The following COQ8A variants were observed in gnomAD, a reference collection of about 807,000 sequenced individuals.
COQ8A encodes the protein coenzyme Q8A.
A neutral mutation model predicts 65.0 loss-of-function variants in COQ8A; 51 were observed. The observed-to-expected ratio is 0.78, with a 90% CI of 0.63 to 0.99. The LOEUF (loss-of-function observed/expected upper bound fraction) is 0.99, where lower values mean the gene tolerates loss of function less well. Ranked by LOEUF, COQ8A falls within the 50% of genes least tolerant of loss-of-function variation. COQ8A has a pLI of 0.00. For synonymous variants in COQ8A, 371 were observed against 353.2 expected (o/e 1.05, Z -0.57); for missense variants, 940 against 875.0 (o/e 1.07, Z -0.94).
chr1:226,973,822 T>C (rs1659037023), intron 4 of COQ8A, among the ~76,000 whole-genome samples: 1 of 152,246 alleles, frequency 6.6e-6, no homozygotes, highest in African/African-American at 2.4e-5. Flanking sequence ...GATTGTTGGA[T>C]GCCTCAGTAA....
rs963202860 is a variant in COQ8A at position 226,963,824 on chromosome 1, C to T, written c.178-1176C>T. On this transcript the variant is annotated intron_variant, in intron 2 of 14. Coordinates refer to ENST00000366777, the MANE Select transcript of COQ8A (RefSeq NM_020247.5). Reference sequence around the variant, plus strand: ...TTCGCCATGTTGGCCAGGCTGGTCTCGAACTCCTGACCTCAGGTGATCTGC... The same window carrying T: ...TTCGCCATGTTGGCCAGGCTGGTCTTGAACTCCTGACCTCAGGTGATCTGC... 4.6e-5 allele frequency among the ~76,000 whole-genome samples: 7 copies of T among 152,088 alleles called. No homozygotes were observed. The South Asian group carries it at 8.3e-4, about 18-fold the overall frequency.
chr1:226,985,145 A>C (rs527327291), intron 13 of COQ8A, 109 bp from the exon 14 acceptor site: 15 of 1,139,058 alleles, frequency 1.3e-5, no homozygotes, highest in Non-Finnish European at 1.9e-5. Flanking sequence ...GGCCCTGTGC[A>C]GGGAGAGGAT....
rs1658481738 is a variant in COQ8A, at chr1:226,965,132, C to A, written c.310C>A (p.Pro104Thr). 3.1e-6 allele frequency: 5 copies of A among 1,613,998 alleles called. No individual in the cohort carries two copies. The East Asian group carries it at 1.1e-4, about 36-fold the overall frequency. ...AGCCTCCGCTCCCGACCAGTCAGCGCCCCCATCCCTGGGTCATGCCCACAG... is the reference window on the plus strand; with the variant it reads ...AGCCTCCGCTCCCGACCAGTCAGCGACCCCATCCCTGGGTCATGCCCACAG... The part of the protein sequence containing the change: ...SSASAPDQSA[P>T]PSLGHAHSEG... The change falls in exon 3 of 15, where the codon CCC becomes ACC. Residue 104 changes from proline (P) to threonine (T), a missense_variant. Physicochemically the swap from Pro to Thr is conservative, Grantham distance 38. Transcript: ENST00000366777.
At chr1:226,984,711 G>A in intron 12 of COQ8A, 56 bp downstream of exon 12, 2 of 1,550,880 alleles carry the variant, frequency 1.3e-6, no homozygotes, top group Non-Finnish European at 1.8e-6. Context: ...TCCGAATGGG[G>A]CACGTGAGGC....
intron 1 of COQ8A, among the ~76,000 whole-genome samples, chr1:226,953,004 A>G (rs1241380629): frequency 6.6e-6 from 1 of 152,078 alleles, no homozygotes; most frequent in Non-Finnish European, 1.5e-5. Flanking sequence ...ATTTGTCAGT[A>G]AACACCTTTC....
chr1:226,964,212 C>G (rs1658423280), intron 2 of COQ8A, among the ~76,000 whole-genome samples: 1 of 152,194 alleles, frequency 6.6e-6, no homozygotes, highest in African/African-American at 2.4e-5. Flanking sequence ...CGGTGCTGTT[C>G]TAATTATAGG....
intron 13 of COQ8A, 78 bp downstream of exon 13, chr1:226,985,019 A>G (rs1572085716): frequency 6.4e-7 from 1 of 1,552,010 alleles, no homozygotes; most frequent in East Asian, 2.3e-5. Context: ...CGGGGTAGGG[A>G]GAATGACTGG....
intron 4 of COQ8A, 61 bp downstream of exon 4, chr1:226,965,798 C>CCTGCATGGAGGTG: frequency 1.3e-6 from 2 of 1,561,866 alleles, no homozygotes; most frequent in Admixed American, 3.4e-5. Flanking sequence ...CACGCTGCGG[C>CCTGCATGGAGGTG]CTGCATGGAG....
At chr1:226,968,964 T>C (rs1293085634) in intron 4 of COQ8A, among the ~76,000 whole-genome samples, 1 of 152,238 alleles carries the variant, frequency 6.6e-6, no homozygotes, top group Non-Finnish European at 1.5e-5. Flanking sequence ...AGCTGTCCTT[T>C]GATTACAACT....
At chr1:226,944,912 G>A (rs1656937286) in intron 1 of COQ8A, among the ~76,000 whole-genome samples, 1 of 152,130 alleles carries the variant, frequency 6.6e-6, no homozygotes, top group Admixed American at 6.5e-5. Context: ...TTTCCCAGAG[G>A]TGTGTTTCCT....
intron 4 of COQ8A, among the ~76,000 whole-genome samples, 170 bp downstream of exon 4, chr1:226,965,907 G>C (rs1293279900): frequency 6.6e-6 from 1 of 152,210 alleles, no homozygotes; most frequent in Non-Finnish European, 1.5e-5. Context: ...TTCATGGGAG[G>C]ATGATTCAGT....
chr1:226,944,402 A>C (rs543526818), intron 1 of COQ8A, among the ~76,000 whole-genome samples: 2 of 152,014 alleles, frequency 1.3e-5, no homozygotes, highest in East Asian at 3.9e-4. Context: ...TGTGGGCTTC[A>C]GGGGAGGGCT....
At chr1:226,982,267 G>C (rs1428732570) in intron 6 of COQ8A, 118 bp downstream of exon 6, 24 of 1,427,514 alleles carry the variant, frequency 1.7e-5, no homozygotes, top group Non-Finnish European at 2.1e-5. Context: ...AGCAGGCTGG[G>C]GAGAGATCTT....
At chr1:226,975,790 G>A (rs749216905) in intron 4 of COQ8A, among the ~76,000 whole-genome samples, 17 of 152,228 alleles carry the variant, frequency 1.1e-4, no homozygotes, top group Non-Finnish European at 2.1e-4. Context: ...TGCTGGGGAC[G>A]TGGAGGGTGC....
At chr1:226,984,349 G>A (rs1659936960) in intron 11 of COQ8A, 114 bp downstream of exon 11, 1 of 1,510,596 alleles carries the variant, frequency 6.6e-7, no homozygotes, top group African/African-American at 1.4e-5. Flanking sequence ...CTGGGGGTGA[G>A]GGGCAGTGAA....
intron 14 of COQ8A, among the ~76,000 whole-genome samples, chr1:226,986,177 T>C (rs972955819): frequency 2.6e-5 from 4 of 152,132 alleles, no homozygotes; most frequent in African/African-American, 9.7e-5. Context: ...GAACAGTGTT[T>C]TGTTAAAACT....
intron 8 of COQ8A, chr1:226,983,336 G>C (rs924738972): frequency 1.5e-6 from 1 of 666,688 alleles, no homozygotes; most frequent in Admixed American, 2.3e-5. Context: ...GCCGTGAGCT[G>C]TTCCCAGGGG....
At position 226,949,956 on chromosome 1, in the gene COQ8A, G is replaced by C. The variant is rs938521572; in HGVS notation, c.-10+9557G>C. On this transcript the variant is annotated intron_variant, in intron 1 of 14. Coordinates refer to ENST00000366777, the MANE Select transcript of COQ8A (RefSeq NM_020247.5). This position sits in a 1 kb window ranked among gnomAD's most constrained non-coding sequence, Gnocchi z 4.0. ...TGAACCCAGATCACCTAACCTCAGA[G>C]CATCTTAACCATGTCACCAGTATCA... 1.3e-5 allele frequency among the ~76,000 whole-genome samples: 2 copies of C among 152,170 alleles called. No individual in the cohort carries two copies. Among genetic ancestry groups the C allele is most frequent in the African/African-American group, 4.8e-5 (2 of 41,444 alleles).
intron 10 of COQ8A, 112 bp downstream of exon 10, chr1:226,983,966 C>T (rs1029268982): frequency 1.1e-4 from 165 of 1,550,592 alleles, no homozygotes; most frequent in Non-Finnish European, 1.4e-4. Context: ...GCTGGGGTTG[C>T]AGCCTGGGCC....
Sources: allele counts gnomAD v4.1 joint callset (sites outside exome capture counted in the v4.1 genomes callset), GRCh38; gene constraint gnomAD v4.1.1; non-coding constraint Gnocchi (gnomAD v3.1); transcripts MANE v1.5; gene names NCBI Gene and HGNC (gene_info 2026-07-23, HGNC 2026-07-21).